ST3GAL2: variants seen among roughly 807,000 people sequenced by gnomAD.
ST3GAL2 encodes CMP-N-acetylneuraminate-beta-galactosamide-alpha-2,3-sialyltransferase 2.
A neutral mutation model predicts 37.5 loss-of-function variants in ST3GAL2; 16 were observed. That is an observed-to-expected ratio of 0.43 (90% CI 0.29 to 0.65). The LOEUF is 0.65. Among genes scored for constraint, ST3GAL2 ranks in the 30% least tolerant of loss-of-function variants. The pLI is 0.17. For missense variants in ST3GAL2, 383 were observed against 487.8 expected (o/e 0.79, Z 2.02); for synonymous variants, 238 against 202.9 (o/e 1.17, Z -1.47).
chr16:70,388,994 G>A (rs868194345), intron 3 of ST3GAL2, among the ~76,000 whole-genome samples: 1 of 146,546 alleles, frequency 6.8e-6, no homozygotes, highest in East Asian at 2.0e-4. Context: ...TGATGTGTTT[G>A]AACCTGGAGG....
At chr16:70,382,251 A>G (rs2047411525) in intron 6 of ST3GAL2, among the ~76,000 whole-genome samples, 1 of 151,682 alleles carries the variant, frequency 6.6e-6, no homozygotes, top group Admixed American at 6.6e-5. Flanking sequence ...GCTGAAATTC[A>G]ACTACATACA....
chr16:70,401,597 T>C (rs1191554591), intron 1 of ST3GAL2, among the ~76,000 whole-genome samples: 2 of 152,130 alleles, frequency 1.3e-5, no homozygotes, highest in Non-Finnish European at 2.9e-5. Flanking sequence ...CTCTCACAGT[T>C]CATTTCTACC....
intron 4 of ST3GAL2, among the ~76,000 whole-genome samples, chr16:70,385,008 CA>C (rs2047432471): frequency 1.3e-5 from 2 of 150,912 alleles, no homozygotes; most frequent in African/African-American, 4.9e-5. Flanking sequence ...GACTCAGGCT[CA>C]AAAACAAACA....
intron 1 of ST3GAL2, chr16:70,400,721 G>A (rs1002763169): frequency 6.6e-6 from 1 of 152,252 alleles, no homozygotes; most frequent in African/African-American, 2.4e-5. Flanking sequence ...TGTGAGTGGA[G>A]GTGACTTTGG....
intron 4 of ST3GAL2, among the ~76,000 whole-genome samples, chr16:70,383,872 C>T (rs953579524): frequency 4.6e-5 from 7 of 151,436 alleles, no homozygotes; most frequent in Admixed American, 1.3e-4. Flanking sequence ...TTTCAGCAAG[C>T]GATGGGGCCT....
intron 1 of ST3GAL2, chr16:70,400,015 G>C (rs774395893): frequency 6.6e-6 from 1 of 152,242 alleles, no homozygotes; most frequent in Non-Finnish European, 1.5e-5. Context: ...GTGGATTATC[G>C]ATGAGGTATT....
intron 3 of ST3GAL2, among the ~76,000 whole-genome samples, chr16:70,390,151 T>G (rs1230793537): frequency 1.3e-5 from 2 of 152,224 alleles, no homozygotes; most frequent in Non-Finnish European, 2.9e-5. Flanking sequence ...CATGGCTCAC[T>G]GCAGCCTCGA....
intron 3 of ST3GAL2, 136 bp from the exon 4 acceptor site, chr16:70,388,682 T>C: frequency 1.1e-6 from 1 of 947,172 alleles, no homozygotes; most frequent in East Asian, 2.7e-5. Context: ...TTGCTAGAAA[T>C]CTGCCCTATA....
chr16:70,408,890 C>CAAAAAAAAAAAAAAAAAAAAAAAAAAAAA lies in ST3GAL2; in HGVS notation c.-1003-9386_-1003-9358dup, dbSNP rs59060353. ...TCCTGTAGGAGACAGCTCAAAGAAA[C>CAAAAAAAAAAAAAAAAAAAAAAAAAAAAA]AAAAAAAAAAAAAAAAAAAAAAAAA... On this transcript the variant is annotated intron_variant, in intron 1 of 6. Transcript: ENST00000342907. Among the ~76,000 whole-genome samples the CAAAAAAAAAAAAAAAAAAAAAAAAAAAAA allele has an allele frequency of 5.5e-4, 33 of 59,858 alleles. 10 individuals carry two copies. Among genetic ancestry groups the CAAAAAAAAAAAAAAAAAAAAAAAAAAAAA allele is most frequent in the African/African-American group, 1.0e-3 (20 of 19,300 alleles). The allele number at this position is 59,858 out of a possible 152,430, so 39.3% of individuals were successfully genotyped here.
At chr16:70,423,042 CAGCCACACCAG>C (rs2047726208) in intron 1 of ST3GAL2, 1 of 152,354 alleles carries the variant, frequency 6.6e-6, no homozygotes, top group African/African-American at 2.4e-5. Context: ...TGAGAAAACA[CAGCCACACCAG>C]AGCCATGTCC....
At chr16:70,429,422 T>A (rs2047773094) in intron 1 of ST3GAL2, among the ~76,000 whole-genome samples, 1 of 151,684 alleles carries the variant, frequency 6.6e-6, no homozygotes, top group Admixed American at 6.6e-5. Flanking sequence ...TGAAACACCG[T>A]CTCTACTAAA....
At chr16:70,421,655 A>G (rs1314434580) in intron 1 of ST3GAL2, among the ~76,000 whole-genome samples, 2 of 152,156 alleles carry the variant, frequency 1.3e-5, no homozygotes, top group Non-Finnish European at 2.9e-5. Flanking sequence ...TGGGGATGTG[A>G]GGAGGTGGGG....
chr16:70,425,701 A>G (rs1475918489), intron 1 of ST3GAL2, among the ~76,000 whole-genome samples: 1 of 152,172 alleles, frequency 6.6e-6, no homozygotes, highest in Admixed American at 6.5e-5. Flanking sequence ...CTGGGTGGGT[A>G]ACAAGAGCGA....
intron 4 of ST3GAL2, among the ~76,000 whole-genome samples, chr16:70,383,609 A>G (rs2047421527): frequency 6.6e-6 from 1 of 150,602 alleles, no homozygotes; most frequent in African/African-American, 2.4e-5. Context: ...AGGGAAAGGG[A>G]AGGAAGGGAA....
chr16:70,423,674 A>ATTT (rs60635060), intron 1 of ST3GAL2, among the ~76,000 whole-genome samples: 1,665 of 128,010 alleles, frequency 0.013, 43 homozygotes, highest in African/African-American at 0.048. Context: ...TGACTCAATG[A>ATTT]TTTTTTTTTT....
At chr16:70,385,955 C>G (rs2047440046) in intron 4 of ST3GAL2, among the ~76,000 whole-genome samples, 2 of 152,194 alleles carry the variant, frequency 1.3e-5, no homozygotes, top group Admixed American at 6.6e-5. Context: ...AATCTACCCT[C>G]CTTGGCCTCC....
intron 3 of ST3GAL2, among the ~76,000 whole-genome samples, chr16:70,390,476 T>C (rs1045344772): frequency 6.6e-6 from 1 of 152,176 alleles, no homozygotes; most frequent in Non-Finnish European, 1.5e-5. Context: ...GAAAGTAAGA[T>C]AGGAAGTTCA....
chr16:70,434,690 G>A (rs1262073924), intron 1 of ST3GAL2, among the ~76,000 whole-genome samples: 2 of 152,174 alleles, frequency 1.3e-5, no homozygotes, highest in Non-Finnish European at 2.9e-5. Flanking sequence ...ACTAACACCT[G>A]AGAGCATCTA....
intron 1 of ST3GAL2, among the ~76,000 whole-genome samples, chr16:70,410,417 A>T (rs1433869196): frequency 6.7e-6 from 1 of 148,158 alleles, no homozygotes; most frequent in Non-Finnish European, 1.5e-5. Flanking sequence ...TGCCCGGCTA[A>T]TTTTTTTTTG....
Sources: allele counts gnomAD v4.1 joint callset (sites outside exome capture counted in the v4.1 genomes callset), GRCh38; gene constraint gnomAD v4.1.1; transcripts MANE v1.5; gene names NCBI Gene and HGNC (gene_info 2026-07-23, HGNC 2026-07-21).